HCAR2: variants seen among roughly 807,000 people sequenced by gnomAD.
The protein encoded by HCAR2 is G protein-coupled receptor HM74a.
For missense variants in HCAR2, 346 were observed against 476.6 expected (o/e 0.73, Z 2.55); for synonymous variants, 156 against 189.4 (o/e 0.82, Z 1.45).
In HCAR2 at chr12:122,702,348, G is replaced by T; in HGVS notation, c.936C>A (p.Cys312Ter). ...GCTCACCTGTCATCTTCCTCTGGAG[G>T]CAGCGGTTGATCAAAGTGGAGAAGA... ...PNFFSTLINR[C>*]LQRKMTGEPD... Residue 312 changes from cysteine to a stop codon, truncating the protein, a stop_gained, in exon 1 of 1, where the codon TGC (cysteine) becomes TGA (stop). Coordinates refer to ENST00000328880, the MANE Select transcript of HCAR2 (RefSeq NM_177551.4). LOFTEE classifies it low-confidence loss of function (END_TRUNC). The T allele has an allele frequency of 6.2e-7, 1 of 1,614,254 alleles. No individual in the cohort carries two copies. The highest frequency in any genetic ancestry group is 8.5e-7 in the Non-Finnish European group (1 of 1,180,052).
In HCAR2 at chr12:122,701,899, G is replaced by A. The variant is rs1877081660; in HGVS notation, c.*293C>T. On this transcript the variant is annotated 3_prime_UTR_variant, in exon 1 of 1. Coordinates refer to ENST00000328880, the MANE Select transcript of HCAR2 (RefSeq NM_177551.4). ...CAAGTAGATCTCTGGCTCCAACTCT[G>A]CTCAGCAGAAATGCCTACAATTTGC... is the stretch of plus-strand genomic sequence containing the variant. 1 of 548,670 alleles carries A rather than the reference G, an allele frequency of 1.8e-6. No homozygotes were observed. The highest frequency in any genetic ancestry group is 3.2e-6 in the Non-Finnish European group (1 of 309,178). The allele number at this position is 548,670 out of a possible 1,614,324, so 34.0% of individuals were successfully genotyped here. A position where few individuals can be genotyped will look rare whatever the true frequency, so the allele number is the denominator to read the frequency against.
rs200993901 is a variant in HCAR2, at chr12:122,703,315, C to A, written c.-32G>T. 5.0e-6 allele frequency: 8 copies of A among 1,606,066 alleles called. No individual in the cohort carries two copies. In the South Asian group the frequency reaches 8.9e-5, roughly 18 times the overall value. ...GGCTAGTGAGTCCGATGGAGCGCCT[C>A]GCCTAGTGAATGCTCCAGCAAGGAG... On this transcript the variant is annotated 5_prime_UTR_variant, in exon 1 of 1. Transcript: ENST00000328880.
chr12:122,701,854 G>A lies in HCAR2; in HGVS notation c.*338C>T, dbSNP rs149401193. 1.2e-3 allele frequency: 525 copies of A among 447,806 alleles called. 1 individual carries two copies. The highest frequency in any genetic ancestry group is 9.4e-3 in the African/African-American group (477 of 50,798). 27.7% of individuals were successfully genotyped at this position (447,806 alleles called of 1,614,324 possible). ...CCCCCTCCAGTCTGAGGCAGATGTG[G>A]GAAGAAGGCCAACAAGTCACAAGTA... is the stretch of plus-strand genomic sequence containing the variant. On this transcript the variant is annotated 3_prime_UTR_variant, in exon 1 of 1. Coordinates refer to ENST00000328880, the MANE Select transcript of HCAR2 (RefSeq NM_177551.4).
chr12:122,703,202 T>G lies in HCAR2; in HGVS notation c.82A>C (p.Lys28Gln), dbSNP rs200149127. Residue 28 changes from lysine to glutamine, a missense_variant, in exon 1 of 1, where the codon AAG becomes CAG. By Grantham distance (53) the Lys-to-Gln change is moderately conservative. Transcript: ENST00000328880. ...CCVFRDDFIV[K>Q]VLPPVLGLEF... ...AGCCCCAACACCGGCGGCAACACCT[T>G]GACAATGAAGTCATCTCGGAACACA... is the stretch of plus-strand genomic sequence containing the variant. 3.1e-6 allele frequency: 5 copies of G among 1,614,090 alleles called. No individual in the cohort carries two copies. The East Asian group carries it at 1.1e-4, about 36-fold the overall frequency.
rs775536264 is a variant in HCAR2 at position 122,702,542 on chromosome 12, C to A, written c.742G>T (p.Val248Leu). Reference protein sequence around the residue: ...IVFVICFLPSVVVRIRIFWLL... With the variant: ...IVFVICFLPSLVVRIRIFWLL... ...CAGAAGATGCGGATCCGCACAACCA[C>A]GCTGGGAAGGAAGCAGATGACAAAG... Residue 248 changes from valine to leucine, a missense_variant, in exon 1 of 1, where the codon GTG becomes TTG. Transcript: ENST00000328880. 1 of 1,614,056 alleles carries A rather than the reference C, an allele frequency of 6.2e-7. No homozygotes were observed. Among genetic ancestry groups the A allele is most frequent in the African/African-American group, 1.3e-5 (1 of 74,942 alleles).
chr12:122,702,040 A>T lies in HCAR2; in HGVS notation c.*152T>A. On this transcript the variant is annotated 3_prime_UTR_variant, in exon 1 of 1. Coordinates refer to ENST00000328880, the MANE Select transcript of HCAR2 (RefSeq NM_177551.4). ...ACACCTTGCAACCAGTCTCCCACTC[A>T]TCTGCCACCGTTTCCCTAAATCGCA... The T allele has an allele frequency of 7.6e-7, 1 of 1,316,308 alleles. No homozygotes were observed. Among genetic ancestry groups the T allele is most frequent in the East Asian group, 2.5e-5 (1 of 40,586 alleles). 81.5% of individuals were successfully genotyped at this position (1,316,308 alleles called of 1,614,324 possible). A position where few individuals can be genotyped will look rare whatever the true frequency, so the allele number is the denominator to read the frequency against.
In HCAR2 at chr12:122,702,531, C is replaced by G. The variant is rs142740966; in HGVS notation, c.753G>C (p.Arg251=). The G allele has an allele frequency of 2.1e-4, 345 of 1,614,154 alleles. No individual in the cohort carries two copies. The African/African-American group carries it at 4.0e-3, about 19-fold the overall frequency. ...VICFLPSVVV[R]IRIFWLLHTS... ...TGTGCAGGAGCCAGAAGATGCGGAT[C>G]CGCACAACCACGCTGGGAAGGAAGC... The change falls in exon 1 of 1, where the codon CGG becomes CGC. Residue 251 remains arginine (R), a synonymous_variant. Coordinates refer to ENST00000328880, the MANE Select transcript of HCAR2 (RefSeq NM_177551.4).
rs1261292735 is a variant in HCAR2 at position 122,702,070 on chromosome 12, C to T, written c.*122G>A. 6.6e-7 allele frequency: 1 copy of T among 1,510,898 alleles called. No homozygotes were observed. Among genetic ancestry groups the T allele is most frequent in the Admixed American group, 2.1e-5 (1 of 47,872 alleles). 93.6% of individuals were successfully genotyped at this position (1,510,898 alleles called of 1,614,324 possible). A position where few individuals can be genotyped will look rare whatever the true frequency, so the allele number is the denominator to read the frequency against. On this transcript the variant is annotated 3_prime_UTR_variant, in exon 1 of 1. Coordinates refer to ENST00000328880, the MANE Select transcript of HCAR2 (RefSeq NM_177551.4). ...CCACCGTTTCCCTAAATCGCATTCT[C>T]TGAATCTGGAAGTTCCAGGAAACCT...
chr12:122,702,238 G>T lies in HCAR2; in HGVS notation c.1046C>A (p.Ser349Tyr). 6.2e-7 allele frequency: 1 copy of T among 1,614,240 alleles called. No homozygotes were observed. The highest frequency in any genetic ancestry group is 8.5e-7 in the Non-Finnish European group (1 of 1,180,054). Residue 349 changes from serine (S) to tyrosine (Y), a missense_variant, in exon 1 of 1, where the codon TCC becomes TAC. By Grantham distance (144) the Ser-to-Tyr change is moderately radical (BLOSUM62 -2). Coordinates refer to ENST00000328880, the MANE Select transcript of HCAR2 (RefSeq NM_177551.4). Reference protein sequence around the residue: ...RGAPEALMANSGEPWSPSYLG... With the variant: ...RGAPEALMANYGEPWSPSYLG... Reference sequence around the variant, plus strand: ...ATAAGAGGGGCTCCATGGCTCACCGGAGTTGGCCATTAACGCCTCTGGAGC... The same window carrying T: ...ATAAGAGGGGCTCCATGGCTCACCGTAGTTGGCCATTAACGCCTCTGGAGC...
At position 122,703,270 on chromosome 12, in the gene HCAR2, T is replaced by G. The variant is rs753123022; in HGVS notation, c.14A>C (p.His5Pro). Residue 5 changes from histidine (H) to proline (P), a missense_variant, in exon 1 of 1, where the codon CAT becomes CCT. Transcript: ENST00000328880. MNRH[H>P]LQDHFLEIDK... ...TATTTCCAGAAAGTGATCCTGCAGA[T>G]GGTGCCGATTCATGAGTGCGGCTAG... 1.9e-6 allele frequency: 3 copies of G among 1,613,930 alleles called. No homozygotes were observed. The East Asian group carries it at 6.7e-5, about 36-fold the overall frequency.
Position 122,702,990 on chromosome 12 carries a change from G to A in HCAR2, c.294C>T (p.Ile98=). ...ACATGAAGAGCATCAGCCGGCAAGG[G>A]ATGTCCCCAAACTTCCAGTCCCAAC... ...VRRWDWKFGD[I]PCRLMLFMLA... is the part of the protein sequence containing the mutation. Residue 98 remains isoleucine, a synonymous_variant, in exon 1 of 1, where the codon ATC becomes ATT. Transcript: ENST00000328880. 1.2e-6 allele frequency: 2 copies of A among 1,614,116 alleles called. No homozygotes were observed. Among genetic ancestry groups the A allele is most frequent in the Non-Finnish European group, 8.5e-7 (1 of 1,180,020 alleles).
At position 122,703,132 on chromosome 12, in the gene HCAR2, A is replaced by T. The variant is rs1370428640; in HGVS notation, c.152T>A (p.Ile51Asn). 6.2e-7 allele frequency: 1 copy of T among 1,614,048 alleles called. No individual in the cohort carries two copies. The highest frequency in any genetic ancestry group is 2.2e-5 in the East Asian group (1 of 44,894). The change falls in exon 1 of 1, where the codon ATT (isoleucine) becomes AAT (asparagine). Residue 51 changes from isoleucine to asparagine, a missense_variant. Physicochemically the swap from Ile to Asn is moderately radical, Grantham distance 149 (BLOSUM62 -3). Transcript: ENST00000328880. ...GLLGNGLALW[I>N]FCFHLKSWKS... ...CCAGGACTTGAGGTGGAAACAGAAA[A>T]TCCACAGGGCAAGGCCATTGCCCAG...
Position 122,703,059 on chromosome 12 carries a change from T to C in HCAR2, c.225A>G (p.Leu75=), listed in dbSNP as rs148119862. 1.2e-5 allele frequency: 19 copies of C among 1,614,090 alleles called. No homozygotes were observed. The highest frequency in any genetic ancestry group is 1.6e-4 in the Middle Eastern group (1 of 6,062). Reference sequence around the variant, plus strand: ...TCAGGAAGGGCAGGCAGATGATCAGTAGAAAGTCAGCCACTGCCAGGTTGA... The same window carrying C: ...TCAGGAAGGGCAGGCAGATGATCAGCAGAAAGTCAGCCACTGCCAGGTTGA... ...FLFNLAVADF[L]LIICLPFLMD... Residue 75 remains leucine (L), a synonymous_variant, in exon 1 of 1, where the codon CTA becomes CTG. Transcript: ENST00000328880.
At position 122,701,631 on chromosome 12, in the gene HCAR2, C is replaced by T. The variant is rs555718018; in HGVS notation, c.*561G>A. 1.8e-5 allele frequency: 3 copies of T among 168,558 alleles called. No homozygotes were observed. Among genetic ancestry groups the T allele is most frequent in the Non-Finnish European group, 2.6e-5 (2 of 76,514 alleles). 10.4% of individuals were successfully genotyped at this position (168,558 alleles called of 1,614,324 possible). On this transcript the variant is annotated 3_prime_UTR_variant, in exon 1 of 1. Coordinates refer to ENST00000328880, the MANE Select transcript of HCAR2 (RefSeq NM_177551.4). The stretch of plus-strand genomic sequence containing the variant: ...CCGGAAACACAGATATTAACCAAAG[C>T]GTGTGAGTCTCTTCCCTGAGTCCAT...
chr12:122,702,300 G>T lies in HCAR2; in HGVS notation c.984C>A (p.Ser328Arg). The T allele has an allele frequency of 6.2e-7, 1 of 1,614,122 alleles. No individual in the cohort carries two copies. The highest frequency in any genetic ancestry group is 8.5e-7 in the Non-Finnish European group (1 of 1,179,980). ...TGTTGGGGTCCCCTGTGAGCTCGAC[G>T]CTCGTGCTGCGGTTATTATCTGGCT... Reference protein sequence around the residue: ...TGEPDNNRSTSVELTGDPNKT... With the variant: ...TGEPDNNRSTRVELTGDPNKT... The change falls in exon 1 of 1, where the codon AGC becomes AGA. Residue 328 changes from serine to arginine, a missense_variant. Physicochemically the swap from Ser to Arg is moderately radical, Grantham distance 110. Transcript: ENST00000328880.
rs1394131587 is a variant in HCAR2 at position 122,702,995 on chromosome 12, C to T, written c.289G>A (p.Asp97Asn). ...YVRRWDWKFG[D>N]IPCRLMLFML... ...AAGAGCATCAGCCGGCAAGGGATGT[C>T]CCCAAACTTCCAGTCCCAACGCCTC... The change falls in exon 1 of 1, where the codon GAC becomes AAC. Residue 97 changes from aspartate (D) to asparagine (N), a missense_variant. Transcript: ENST00000328880. 1 of 1,614,038 alleles carries T rather than the reference C, an allele frequency of 6.2e-7. No homozygotes were observed. Among genetic ancestry groups the T allele is most frequent in the African/African-American group, 1.3e-5 (1 of 74,996 alleles).
In HCAR2 at chr12:122,702,981, C is replaced by T. The variant is rs747232483; in HGVS notation, c.303G>A (p.Arg101=). The T allele has an allele frequency of 6.2e-7, 1 of 1,614,070 alleles. No individual in the cohort carries two copies. Among genetic ancestry groups the T allele is most frequent in the Non-Finnish European group, 8.5e-7 (1 of 1,180,018 alleles). ...WDWKFGDIPC[R]LMLFMLAMNR... ...TCATAGCCAACATGAAGAGCATCAG[C>T]CGGCAAGGGATGTCCCCAAACTTCC... The change falls in exon 1 of 1, where the codon CGG becomes CGA. Residue 101 remains arginine (R), a synonymous_variant. Coordinates refer to ENST00000328880, the MANE Select transcript of HCAR2 (RefSeq NM_177551.4).
At position 122,702,755 on chromosome 12, in the gene HCAR2, A is replaced by G; in HGVS notation, c.529T>C (p.Cys177Arg). 6.2e-7 allele frequency: 1 copy of G among 1,614,168 alleles called. No homozygotes were observed. Among genetic ancestry groups the G allele is most frequent in the Non-Finnish European group, 8.5e-7 (1 of 1,180,024 alleles). ...GTATGGCAGATGCTGAAGCTGCTGC[A>G]CAAATTTGCACCGCCATTCTGGATC... ...MPIQNGGANL[C>R]SSFSICHTFQ... The change falls in exon 1 of 1, where the codon TGC becomes CGC. Residue 177 changes from cysteine (C) to arginine (R), a missense_variant. Physicochemically the swap from Cys to Arg is radical, Grantham distance 180. Transcript: ENST00000328880.
Position 122,702,864 on chromosome 12 carries a change from G to C in HCAR2, c.420C>G (p.Ser140=). 1 of 1,614,168 alleles carries C rather than the reference G, an allele frequency of 6.2e-7. No homozygotes were observed. Among genetic ancestry groups the C allele is most frequent in the Non-Finnish European group, 8.5e-7 (1 of 1,180,022 alleles). The change falls in exon 1 of 1, where the codon TCC becomes TCG. Residue 140 remains serine (S), a synonymous_variant. Coordinates refer to ENST00000328880, the MANE Select transcript of HCAR2 (RefSeq NM_177551.4). ...VHPHHALNKI[S]NRTAAIISCL... is the part of the protein sequence containing the mutation. ...AAGAGATGATGGCTGCTGTCCGATT[G>C]GAGATCTTGTTCAGGGCGTGGTGGG...
Sources: gnomAD v4.1 joint callset for allele counts on GRCh38, gnomAD v4.1.1 for gene constraint, MANE v1.5 for transcripts, NCBI Gene and HGNC (gene_info 2026-07-23, HGNC 2026-07-21) for gene names.